Variants in UNC13C observed in about 807,000 individuals in gnomAD.
UNC13C encodes the protein unc-13 homolog C.
A neutral mutation model predicts 245.4 loss-of-function variants in UNC13C; 174 were observed. The observed-to-expected ratio is 0.71, with a 90% CI of 0.63 to 0.80. The LOEUF is 0.80. Ranked by LOEUF, UNC13C falls within the 30% of genes least tolerant of loss-of-function variation. The pLI is 0.00. For synonymous variants in UNC13C, 992 were observed against 895.1 expected (o/e 1.11, Z -1.93); for missense variants, 2,829 against 2,602.9 (o/e 1.09, Z -1.89).
intron 8 of UNC13C, among the ~76,000 whole-genome samples, chr15:54,260,683 T>C (rs2036400841): frequency 6.7e-6 from 1 of 148,380 alleles, no homozygotes; most frequent in African/African-American, 2.4e-5. Context: ...ATGTTTTATA[T>C]ATAAAGAAGT....
chr15:54,116,637 C>T (rs550310215), intron 2 of UNC13C, among the ~76,000 whole-genome samples: 4 of 152,110 alleles, frequency 2.6e-5, no homozygotes, highest in Non-Finnish European at 5.9e-5. Context: ...AATAATTTTC[C>T]ATTGTGTATA....
intron 4 of UNC13C, among the ~76,000 whole-genome samples, chr15:54,188,967 C>G (rs758245214): frequency 3.1e-4 from 47 of 152,054 alleles, no homozygotes; most frequent in Non-Finnish European, 4.9e-4. Context: ...TTACATAATA[C>G]CGTTTTGGTA....
chr15:54,488,406 A>G (rs1458264457), intron 19 of UNC13C, among the ~76,000 whole-genome samples: 1 of 152,190 alleles, frequency 6.6e-6, no homozygotes, highest in East Asian at 1.9e-4. Context: ...GGGATAATTA[A>G]AATAGTCTTA....
At chr15:54,304,373 G>C (rs767760429) in intron 13 of UNC13C, among the ~76,000 whole-genome samples, 31 of 152,094 alleles carry the variant, frequency 2.0e-4, no homozygotes, top group Non-Finnish European at 3.7e-4. Flanking sequence ...GGTAGATTAT[G>C]TGTACTTGTG....
chr15:54,169,442 A>G (rs2033302808), intron 4 of UNC13C, among the ~76,000 whole-genome samples: 1 of 152,112 alleles, frequency 6.6e-6, no homozygotes, highest in Non-Finnish European at 1.5e-5. Flanking sequence ...CCATCTACTA[A>G]GCTCTCTTGT....
At chr15:53,894,601 G>C in the UNC13C span, among the ~76,000 whole-genome samples, 1 of 152,134 alleles carries the variant, frequency 6.6e-6, no homozygotes, top group African/African-American at 2.4e-5. Flanking sequence ...TGTAGCTGCT[G>C]TCTGAGAAAA....
chr15:53,992,559 G>A (rs1404307007), intron 1 of UNC13C, among the ~76,000 whole-genome samples: 1 of 152,062 alleles, frequency 6.6e-6, no homozygotes, highest in Non-Finnish European at 1.5e-5. Context: ...AGGGATCCAA[G>A]AGTTTCAGAT....
the UNC13C span, among the ~76,000 whole-genome samples, chr15:53,959,006 G>A: frequency 2.0e-5 from 3 of 152,070 alleles, no homozygotes; most frequent in Non-Finnish European, 2.9e-5. Context: ...CTCCATGAGA[G>A]CAACATTTTT....
intron 24 of UNC13C, among the ~76,000 whole-genome samples, chr15:54,516,162 C>G (rs1473478727): frequency 6.6e-6 from 1 of 152,130 alleles, no homozygotes; most frequent in African/African-American, 2.4e-5. Flanking sequence ...TGGACTAAGT[C>G]ATTAGCTAAG....
chr15:54,540,909 CAA>C (rs1896216050), intron 26 of UNC13C, among the ~76,000 whole-genome samples: 1 of 152,012 alleles, frequency 6.6e-6, no homozygotes. Flanking sequence ...ACATCTGCAG[CAA>C]AATTGGCAGA....
At chr15:53,971,582 A>G in the UNC13C span, among the ~76,000 whole-genome samples, 1 of 152,202 alleles carries the variant, frequency 6.6e-6, no homozygotes, top group Non-Finnish European at 1.5e-5. Context: ...ATGATTCATT[A>G]AAGTCTCTAC....
intron 19 of UNC13C, among the ~76,000 whole-genome samples, chr15:54,458,924 T>G (rs943612245): frequency 2.0e-5 from 3 of 152,104 alleles, no homozygotes; most frequent in African/African-American, 7.2e-5. Flanking sequence ...TGTGAGGTAC[T>G]GTTCTATTCT....
At chr15:54,535,183 C>T (rs1895934759) in intron 26 of UNC13C, among the ~76,000 whole-genome samples, 1 of 151,946 alleles carries the variant, frequency 6.6e-6, no homozygotes, top group Non-Finnish European at 1.5e-5. Flanking sequence ...AAAAATCTAC[C>T]TAAAAAATGG....
intron 8 of UNC13C, among the ~76,000 whole-genome samples, chr15:54,254,931 C>G (rs1026220420): frequency 6.6e-6 from 1 of 152,098 alleles, no homozygotes; most frequent in Non-Finnish European, 1.5e-5. Context: ...CCTCAGGACC[C>G]GCCATCTACA....
the UNC13C span, among the ~76,000 whole-genome samples, chr15:53,858,263 T>C: frequency 6.6e-6 from 1 of 152,202 alleles, no homozygotes; most frequent in Non-Finnish European, 1.5e-5. Context: ...GATTTTGATA[T>C]GCATTTTAAA....
chr15:54,104,746 G>T (rs186745978), intron 2 of UNC13C, among the ~76,000 whole-genome samples: 5 of 151,794 alleles, frequency 3.3e-5, no homozygotes, highest in African/African-American at 7.2e-5. Flanking sequence ...GTTCATCTGG[G>T]TTTTGATTTT....
At chr15:54,109,272 TCCCCTCCCCTCCCCTCCCC>T (rs1595866267) in intron 2 of UNC13C, among the ~76,000 whole-genome samples, 4 of 67,388 alleles carry the variant, frequency 5.9e-5, no homozygotes, top group Non-Finnish European at 9.5e-5. Context: ...TTCCCTCTCC[TCCCCTCCCCTCCCCTCCCC>T]TCCCTTCCCC....
chr15:54,227,547 C>T (rs191497254), intron 4 of UNC13C, among the ~76,000 whole-genome samples: 20 of 152,246 alleles, frequency 1.3e-4, no homozygotes, highest in South Asian at 4.1e-4. Flanking sequence ...AGAGGGAGAC[C>T]GAGGGGGCAG....
intron 4 of UNC13C, among the ~76,000 whole-genome samples, chr15:54,161,550 A>C (rs2032975294): frequency 6.6e-6 from 1 of 152,158 alleles, no homozygotes; most frequent in African/African-American, 2.4e-5. Flanking sequence ...TATTGGGAAT[A>C]AATATCAATA....
Sources: allele counts gnomAD v4.1 joint callset (sites outside exome capture counted in the v4.1 genomes callset), GRCh38; gene constraint gnomAD v4.1.1; transcripts MANE v1.5; gene names NCBI Gene and HGNC (gene_info 2026-07-23, HGNC 2026-07-21).